AGAP1: variants seen among roughly 807,000 people sequenced by gnomAD.
AGAP1 encodes arf-GAP with GTPase, ANK repeat and PH domain-containing protein 1.
AGAP1 carries 29 observed loss-of-function variants against 105.3 expected under a neutral mutation model. The ratio of observed to expected loss-of-function variants is 0.28; its 90% CI spans 0.21 to 0.38. The LOEUF is 0.38. Among genes scored for constraint, AGAP1 ranks in the 10% least tolerant of loss-of-function variants. The pLI is 1.00. For synonymous variants in AGAP1, 509 were observed against 485.9 expected, an observed-to-expected ratio of 1.05 and a Z score of -0.63; for missense variants, 998 against 1,165.1, an observed-to-expected ratio of 0.86 and a Z score of 2.09.
At chr2:235,817,711 C>T (rs1021500647) in intron 9 of AGAP1, among the ~76,000 whole-genome samples, 3 of 152,046 alleles carry the variant, frequency 2.0e-5, no homozygotes, top group South Asian at 2.1e-4. Context: ...GCCAACATGG[C>T]GAAACCCCAT....
intron 1 of AGAP1, among the ~76,000 whole-genome samples, chr2:235,646,207 G>A (rs1401542692): frequency 4.7e-5 from 7 of 149,098 alleles, no homozygotes; most frequent in Admixed American, 6.8e-5. Flanking sequence ...CCTGGGAGGC[G>A]GAGGTTGCAG....
chr2:235,541,900 A>G (rs996436163), intron 1 of AGAP1, among the ~76,000 whole-genome samples: 2 of 152,186 alleles, frequency 1.3e-5, no homozygotes, highest in Admixed American at 1.3e-4. Flanking sequence ...ACGTCGCTAT[A>G]GTTCATCCAT....
intron 1 of AGAP1, among the ~76,000 whole-genome samples, chr2:235,634,137 A>C (rs1395178763): frequency 6.6e-6 from 1 of 152,176 alleles, no homozygotes; most frequent in Non-Finnish European, 1.5e-5. Flanking sequence ...GGGGCTTCTC[A>C]CTTGATTTTC....
rs777217209 is a variant in AGAP1, at chr2:235,973,398, G to A, written c.1645+4775G>A. ...TATTTTGGGTTCTGAGGATTACCAG[G>A]AGATGTGTGGATGACAGAGCCCGTC... On this transcript the variant is annotated intron_variant, in intron 13 of 17. Coordinates refer to ENST00000304032, the MANE Select transcript of AGAP1 (RefSeq NM_001037131.3). This position sits in a 1 kb window ranked among gnomAD's most constrained non-coding sequence, Gnocchi z 4.7. Among the ~76,000 whole-genome samples, 2 of 152,178 alleles carry A rather than the reference G, an allele frequency of 1.3e-5. No individual in the cohort carries two copies. The highest frequency in any genetic ancestry group is 2.9e-5 in the Non-Finnish European group (2 of 68,030).
intron 11 of AGAP1, among the ~76,000 whole-genome samples, chr2:235,917,818 G>A (rs531542600): frequency 7.2e-5 from 11 of 152,296 alleles, no homozygotes; most frequent in African/African-American, 2.4e-4. Context: ...GCTCATTGGC[G>A]GTACTTAAGG....
In AGAP1 at chr2:235,893,917, A is replaced by G. The variant is rs73126497; in HGVS notation, c.1155+10468A>G. ...AGATTGTGGTATGATTGAGACTAAC[A>G]GTACTCACCATGTCTTACAACATGA... On this transcript the variant is annotated intron_variant, in intron 10 of 17. Coordinates refer to ENST00000304032, the MANE Select transcript of AGAP1 (RefSeq NM_001037131.3). The surrounding 1 kb of genome is among the most constrained non-coding windows in gnomAD (Gnocchi z 4.7). Among the ~76,000 whole-genome samples the G allele has an allele frequency of 0.012, 1,788 of 152,268 alleles. 35 individuals carry two copies. The highest frequency in any genetic ancestry group is 0.039 in the African/African-American group (1,632 of 41,558).
chr2:236,038,735 A>G lies in AGAP1; in HGVS notation c.1801-2016A>G, dbSNP rs2057456242. 1.3e-5 allele frequency among the ~76,000 whole-genome samples: 2 copies of G among 152,204 alleles called. No homozygotes were observed. On this transcript the variant is annotated intron_variant, in intron 14 of 17. Coordinates refer to ENST00000304032, the MANE Select transcript of AGAP1 (RefSeq NM_001037131.3). The surrounding 1 kb of genome is among the most constrained non-coding windows in gnomAD (Gnocchi z 4.5). ...TGGATAATTGAGAGCTGATACAGGTATAGGCATAGCTAGACAGACAGACAA... is the reference window on the plus strand; with the variant it reads ...TGGATAATTGAGAGCTGATACAGGTGTAGGCATAGCTAGACAGACAGACAA...
In AGAP1 at chr2:235,610,304, G is replaced by T. The variant is rs1450093331; in HGVS notation, c.164-98875G>T. Among the ~76,000 whole-genome samples, 3 of 152,114 alleles carry T rather than the reference G, an allele frequency of 2.0e-5. No individual in the cohort carries two copies. The highest frequency in any genetic ancestry group is 6.5e-5 in the Admixed American group (1 of 15,278). On this transcript the variant is annotated intron_variant, in intron 1 of 17. Transcript: ENST00000304032. This position sits in a 1 kb window ranked among gnomAD's most constrained non-coding sequence, Gnocchi z 4.9. ...ATACCTCGTCATCTTGGAGTCCACC[G>T]TGCACTTGTCCGCTTGGGCTGCCAT...
chr2:235,683,897 T>C (rs994870885), intron 1 of AGAP1, among the ~76,000 whole-genome samples: 1 of 147,802 alleles, frequency 6.8e-6, no homozygotes, highest in African/African-American at 2.5e-5. Flanking sequence ...CCGCCCTGTG[T>C]CCATGTCTTC....
chr2:235,790,613 C>G (rs116110126), intron 6 of AGAP1, among the ~76,000 whole-genome samples: 4 of 152,184 alleles, frequency 2.6e-5, no homozygotes, highest in Admixed American at 1.3e-4. Context: ...CAACTTCACA[C>G]TTGCCACTCT....
chr2:235,698,451 G>A (rs1950102384), intron 1 of AGAP1, among the ~76,000 whole-genome samples: 1 of 152,170 alleles, frequency 6.6e-6, no homozygotes, highest in Non-Finnish European at 1.5e-5. Context: ...AAAAATGGCT[G>A]TGAATTTAAC....
At position 235,596,063 on chromosome 2, in the gene AGAP1, G is replaced by A. The variant is rs1017637866; in HGVS notation, c.163+101214G>A. On this transcript the variant is annotated intron_variant, in intron 1 of 17. Transcript: ENST00000304032. The surrounding 1 kb of genome is among the most constrained non-coding windows in gnomAD (Gnocchi z 5.9). ...TGAAAATCGCAGCCCTGTGAATTGTGTGCCCTAAGAGCCAGCTGTGCTCCT... is the reference window on the plus strand; with the variant it reads ...TGAAAATCGCAGCCCTGTGAATTGTATGCCCTAAGAGCCAGCTGTGCTCCT... 6.6e-6 allele frequency among the ~76,000 whole-genome samples: 1 copy of A among 152,176 alleles called. No homozygotes were observed. Among genetic ancestry groups the A allele is most frequent in the Non-Finnish European group, 1.5e-5 (1 of 68,038 alleles).
At chr2:235,790,336 G>A (rs1320076053) in intron 6 of AGAP1, among the ~76,000 whole-genome samples, 1 of 152,108 alleles carries the variant, frequency 6.6e-6, no homozygotes, top group East Asian at 1.9e-4. Context: ...TACTAATCCA[G>A]TAAAAGGGTA....
At position 235,994,570 on chromosome 2, in the gene AGAP1, A is replaced by G. The variant is rs1276524040; in HGVS notation, c.1645+25947A>G. On this transcript the variant is annotated intron_variant, in intron 13 of 17. Transcript: ENST00000304032. This position sits in a 1 kb window ranked among gnomAD's most constrained non-coding sequence, Gnocchi z 4.4. ...CACACTGAGAGGTTACTTTCTACCA[A>G]ACTGTTTCCTAATTGCACTCCCTGC... Among the ~76,000 whole-genome samples, 1 of 152,080 alleles carries G rather than the reference A, an allele frequency of 6.6e-6. No individual in the cohort carries two copies. The highest frequency in any genetic ancestry group is 1.5e-5 in the Non-Finnish European group (1 of 68,028).
Position 235,747,245 on chromosome 2 carries a change from G to A in AGAP1, c.538+2406G>A, listed in dbSNP as rs1177334888. 6.6e-6 allele frequency among the ~76,000 whole-genome samples: 1 copy of A among 152,090 alleles called. No individual in the cohort carries two copies. The highest frequency in any genetic ancestry group is 1.5e-5 in the Non-Finnish European group (1 of 68,016). On this transcript the variant is annotated intron_variant, in intron 5 of 17. Transcript: ENST00000304032. This position sits in a 1 kb window ranked among gnomAD's most constrained non-coding sequence, Gnocchi z 5.0. ...AGGGGCACATCGAGCCTCCTGCCAG[G>A]GTGGCTGCTTAGATTCTCGAGAAAC...
At chr2:235,827,289 T>C (rs56060557) in intron 9 of AGAP1, among the ~76,000 whole-genome samples, 123 of 152,330 alleles carry the variant, frequency 8.1e-4, no homozygotes, top group Non-Finnish European at 1.6e-3. Flanking sequence ...ACGCAGACTC[T>C]CCTTGCTCAC....
intron 6 of AGAP1, among the ~76,000 whole-genome samples, chr2:235,758,068 T>G (rs529787511): frequency 5.5e-4 from 83 of 152,176 alleles, no homozygotes; most frequent in Admixed American, 1.2e-3. Context: ...GTGGCCTGTT[T>G]TATGATTTGT....
At chr2:235,937,460 C>T (rs537382857) in intron 12 of AGAP1, among the ~76,000 whole-genome samples, 49 of 152,336 alleles carry the variant, frequency 3.2e-4, no homozygotes, top group African/African-American at 1.2e-3. Context: ...TAGCTGCTGA[C>T]CAGGGGAAAC....
At chr2:236,069,814 C>G (rs1175808891) in intron 16 of AGAP1, among the ~76,000 whole-genome samples, 2 of 152,236 alleles carry the variant, frequency 1.3e-5, no homozygotes, top group Non-Finnish European at 2.9e-5. Flanking sequence ...TTAATTGTGA[C>G]ACTTTCTCTA....
Sources: allele counts gnomAD v4.1 joint callset (sites outside exome capture counted in the v4.1 genomes callset), GRCh38; gene constraint gnomAD v4.1.1; non-coding constraint Gnocchi (gnomAD v3.1); transcripts MANE v1.5; gene names NCBI Gene and HGNC (gene_info 2026-07-23, HGNC 2026-07-21).